Variants in ARHGAP27 observed in about 807,000 individuals in gnomAD.
ARHGAP27 encodes the protein rho GTPase-activating protein 27.
ARHGAP27 carries 53 observed loss-of-function variants against 102.0 expected under a neutral mutation model. The ratio of observed to expected loss-of-function variants is 0.52; its 90% CI spans 0.42 to 0.65. ARHGAP27 has a LOEUF of 0.65. Among genes scored for constraint, ARHGAP27 ranks in the 30% least tolerant of loss-of-function variants. The pLI is 0.00. For missense variants in ARHGAP27, 1,117 were observed against 1,256.2 expected, an observed-to-expected ratio of 0.89 and a Z score of 1.68; for synonymous variants, 525 against 542.8, an observed-to-expected ratio of 0.97 and a Z score of 0.46.
At chr17:45,429,586 G>T in intron 4 of ARHGAP27, 37 bp downstream of exon 4, 1 of 1,575,802 alleles carries the variant, frequency 6.3e-7, no homozygotes, top group South Asian at 1.1e-5. Context: ...TCCCTAGCGC[G>T]CCACCCGCCT....
rs1227868349 is a variant in ARHGAP27, at chr17:45,396,113, C to A, written c.2256G>T (p.Glu752Asp). 6.2e-7 allele frequency: 1 copy of A among 1,610,752 alleles called. No individual in the cohort carries two copies. Among genetic ancestry groups the A allele is most frequent in the Admixed American group, 1.7e-5 (1 of 59,528 alleles). ...AGCGCCCGTCATCCAGGTCAAGGCG[C>A]TCATCTGTGGCGGAGGAAGGGAGGA... ...QKLRYKVDHD[E>D]RLDLDDGRWE... Residue 752 changes from glutamate to aspartate, a missense_variant, in exon 18 of 20, where the codon GAG becomes GAT. Physicochemically the swap from Glu to Asp is conservative, Grantham distance 45. Coordinates refer to ENST00000685559, the MANE Select transcript of ARHGAP27 (RefSeq NM_001282290.2).
intron 12 of ARHGAP27, among the ~76,000 whole-genome samples, chr17:45,398,906 T>G (rs1269047600): frequency 6.6e-6 from 1 of 152,122 alleles, no homozygotes; most frequent in Non-Finnish European, 1.5e-5. Flanking sequence ...CTCAGAAACG[T>G]TGTCCCACCT....
In ARHGAP27 at chr17:45,396,693, C is replaced by T. The variant is rs1300180091; in HGVS notation, c.2049G>A (p.Ser683=). Reference sequence around the variant, plus strand: ...CTTTGATGTAGCCCTTCTCCCGCAGCGACTGCAGTGTGGGCCGCCTCTGGA... The same window carrying T: ...CTTTGATGTAGCCCTTCTCCCGCAGTGACTGCAGTGTGGGCCGCCTCTGGA... The part of the protein sequence containing the change: ...KFLQRRPTLQ[S]LREKGYIKDQ... Residue 683 remains serine, a synonymous_variant, in exon 15 of 20, where the codon TCG becomes TCA. Coordinates refer to ENST00000685559, the MANE Select transcript of ARHGAP27 (RefSeq NM_001282290.2). The T allele has an allele frequency of 5.6e-6, 9 of 1,613,840 alleles. No individual in the cohort carries two copies. In the South Asian group the frequency reaches 8.8e-5, roughly 16 times the overall value.
intron 4 of ARHGAP27, among the ~76,000 whole-genome samples, chr17:45,423,737 G>A (rs990707651): frequency 3.3e-5 from 5 of 152,154 alleles, no homozygotes; most frequent in African/African-American, 9.7e-5. Context: ...CCAGTACAGC[G>A]GCTGACATTC....
intron 5 of ARHGAP27, 75 bp from the exon 6 acceptor site, chr17:45,405,181 G>C (rs1597795710): frequency 1.4e-6 from 2 of 1,463,816 alleles, no homozygotes; most frequent in East Asian, 4.7e-5. Flanking sequence ...TTTGGACCAG[G>C]CCCACCCCCT....
chr17:45,409,916 G>C (rs1230105), intron 4 of ARHGAP27: 259,217 of 347,002 alleles, frequency 0.75, 98,676 homozygotes, highest in African/African-American at 0.94. Context: ...GTGGCCTTCC[G>C]ACCTCAGGCC....
chr17:45,405,957 G>T lies in ARHGAP27; in HGVS notation c.784C>A (p.Arg262Ser), dbSNP rs1322677094. 4 of 1,535,904 alleles carry T rather than the reference G, an allele frequency of 2.6e-6. No homozygotes were observed. Among genetic ancestry groups the T allele is most frequent in the Non-Finnish European group, 3.5e-6 (4 of 1,146,794 alleles). Reference protein sequence around the residue: ...WETHTDAGTGRPYYYNPDTGV... With the variant: ...WETHTDAGTGSPYYYNPDTGV... ...GTGTCTGGGTTGTAGTAGTAGGGGC[G>T]CCCGGTGCCCGCGTCCGTGTGCGTC... Residue 262 changes from arginine to serine, a missense_variant, in exon 5 of 20, where the codon CGC (arginine) becomes AGC (serine). Physicochemically the swap from Arg to Ser is moderately radical, Grantham distance 110. Transcript: ENST00000685559.
rs765390507 is a variant in ARHGAP27, at chr17:45,406,068, C to T, written c.673G>A (p.Glu225Lys). Reference protein sequence around the residue: ...ESAEQVDDPPEPVYANIERQP... With the variant: ...ESAEQVDDPPKPVYANIERQP... ...CTCTCTATGTTCGCGTACACGGGCT[C>T]CGGTGGGTCGTCCACCTGCGGGAGG... Residue 225 changes from glutamate (E) to lysine (K), a missense_variant, in exon 5 of 20, where the codon GAG becomes AAG. This residue lies in a region of ARHGAP27 where 610 missense variants were observed against 716.4 expected (regional missense o/e 0.85). Coordinates refer to ENST00000685559, the MANE Select transcript of ARHGAP27 (RefSeq NM_001282290.2). 11 of 1,521,762 alleles carry T rather than the reference C, an allele frequency of 7.2e-6. No individual in the cohort carries two copies. In the South Asian group the frequency reaches 1.3e-4, roughly 18 times the overall value. The allele number at this position is 1,521,762 out of a possible 1,614,324, so 94.3% of individuals were successfully genotyped here. A position where few individuals can be genotyped will look rare whatever the true frequency, so the allele number is the denominator to read the frequency against.
At chr17:45,415,646 A>G (rs1468299298) in intron 4 of ARHGAP27, among the ~76,000 whole-genome samples, 1 of 152,146 alleles carries the variant, frequency 6.6e-6, no homozygotes, top group African/African-American at 2.4e-5. Flanking sequence ...GCTTTGCCTC[A>G]TCTGACACTG....
chr17:45,430,059 G>T lies in ARHGAP27; in HGVS notation c.221C>A (p.Ala74Asp), dbSNP rs1484683402. The change falls in exon 4 of 20, where the codon GCC becomes GAC. Residue 74 changes from alanine to aspartate, a missense_variant. Around this residue, in one of 3 missense-constraint regions of ARHGAP27, gnomAD observed 610 missense variants for 716.4 expected, o/e 0.85. Transcript: ENST00000685559. This position sits in a 1 kb window ranked among gnomAD's most constrained non-coding sequence, Gnocchi z 4.4. The part of the protein sequence containing the change: ...VRELPALGNP[A>D]AAAPPGPHPS... ...GTGGGGACCTGGCGGCGCGGCGGCGGCAGGGTTGCCCAGCGCGGGCAGCTC... is the reference window on the plus strand; with the variant it reads ...GTGGGGACCTGGCGGCGCGGCGGCGTCAGGGTTGCCCAGCGCGGGCAGCTC... The T allele has an allele frequency of 4.6e-6, 6 of 1,292,390 alleles. No homozygotes were observed. The South Asian group carries it at 1.1e-4, about 23-fold the overall frequency. 80.1% of individuals were successfully genotyped at this position (1,292,390 alleles called of 1,614,324 possible).
Position 45,430,374 on chromosome 17 carries a change from TGGGTTC to T in ARHGAP27, c.-18-83_-18-78del. On this transcript the variant is annotated intron_variant, in intron 3 of 19. Coordinates refer to ENST00000685559, the MANE Select transcript of ARHGAP27 (RefSeq NM_001282290.2). This position sits in a 1 kb window ranked among gnomAD's most constrained non-coding sequence, Gnocchi z 4.4. ...ATAGCCCCGCACTCGGGGACAGACT[TGGGTTC>T]GAGTCCCGATCCTGCACTCGCCGTT... 6.8e-7 allele frequency: 1 copy of T among 1,479,750 alleles called. No homozygotes were observed. The allele number at this position is 1,479,750 out of a possible 1,614,324, so 91.7% of individuals were successfully genotyped here.
chr17:45,399,126 T>A (rs550355898), intron 12 of ARHGAP27, among the ~76,000 whole-genome samples: 1 of 152,304 alleles, frequency 6.6e-6, no homozygotes, highest in Non-Finnish European at 1.5e-5. Flanking sequence ...GTGTTCCAGG[T>A]TAATGTGAAT....
intron 4 of ARHGAP27, chr17:45,425,538 CT>C (rs1236185617): frequency 4.6e-5 from 45 of 984,198 alleles, no homozygotes; most frequent in Non-Finnish European, 5.3e-5. Flanking sequence ...TGGCCACCCC[CT>C]AGTCCCCCAG....
At chr17:45,431,312 T>C (rs1323010418) in intron 3 of ARHGAP27, among the ~76,000 whole-genome samples, 1 of 152,126 alleles carries the variant, frequency 6.6e-6, no homozygotes, top group Non-Finnish European at 1.5e-5. Context: ...GTCGGTTTTC[T>C]CCGGAAGTGC....
At chr17:45,422,183 C>T (rs1215826984) in intron 4 of ARHGAP27, among the ~76,000 whole-genome samples, 2 of 151,702 alleles carry the variant, frequency 1.3e-5, no homozygotes, top group Non-Finnish European at 2.9e-5. Context: ...AAACAAAAAT[C>T]CATGAAAATA....
chr17:45,425,237 G>A (rs1334678486), intron 4 of ARHGAP27, among the ~76,000 whole-genome samples: 1 of 149,084 alleles, frequency 6.7e-6, no homozygotes, highest in African/African-American at 2.6e-5. Context: ...GGTTGGGGGT[G>A]GGGGGTGCCG....
chr17:45,420,650 A>C (rs1567728858), intron 4 of ARHGAP27, among the ~76,000 whole-genome samples: 1 of 152,176 alleles, frequency 6.6e-6, no homozygotes, highest in Non-Finnish European at 1.5e-5. Context: ...AATCAAGCAG[A>C]GTTTTAAAAA....
intron 14 of ARHGAP27, 40 bp from the exon 15 acceptor site, chr17:45,396,830 C>T (rs773816294): frequency 1.2e-6 from 2 of 1,606,698 alleles, no homozygotes; most frequent in Non-Finnish European, 1.7e-6. Context: ...GGAGGCAGCG[C>T]CAGGGCAGGC....
intron 4 of ARHGAP27, among the ~76,000 whole-genome samples, chr17:45,425,198 G>A (rs2049455865): frequency 6.6e-6 from 1 of 151,744 alleles, no homozygotes; most frequent in South Asian, 2.1e-4. Context: ...AACCAGCAGG[G>A]CCACCCCAGG....
Sources: gnomAD v4.1 joint callset for allele counts (sites outside exome capture counted in the v4.1 genomes callset) on GRCh38, gnomAD v4.1.1 for gene constraint, gnomAD v4.1.1 regional missense constraint, Gnocchi (gnomAD v3.1) non-coding constraint, MANE v1.5 for transcripts, NCBI Gene and HGNC (gene_info 2026-07-23, HGNC 2026-07-21) for gene names.